KIZ: variants seen among roughly 807,000 people sequenced by gnomAD.
The protein encoded by KIZ is kizuna centrosomal protein.
Under a neutral mutation model 79.6 loss-of-function variants are expected in KIZ, and 68 were observed. That is an observed-to-expected ratio of 0.85 (90% confidence interval 0.70 to 1.05). The LOEUF is 1.05. KIZ is among the 50% of genes least tolerant of loss of function. KIZ has a pLI of 0.00. For missense variants in KIZ, 797 were observed against 800.4 expected (o/e 1.00, Z 0.05); for synonymous variants, 280 against 281.8 (o/e 0.99, Z 0.06).
chr20:21,141,956 A>C, intron 3 of KIZ, among the ~76,000 whole-genome samples: 1 of 139,716 alleles, frequency 7.2e-6, no homozygotes, highest in Non-Finnish European at 1.5e-5. Flanking sequence ...TCTCCCTCTT[A>C]TCTCTCCCCT....
intron 1 of KIZ, among the ~76,000 whole-genome samples, chr20:21,129,052 A>C (rs997596528): frequency 6.6e-6 from 1 of 152,214 alleles, no homozygotes; most frequent in African/African-American, 2.4e-5. Context: ...TTCTGAATAG[A>C]GATTTAATAT....
In KIZ at chr20:21,126,150, C is replaced by A. The variant is rs770989376; in HGVS notation, c.35C>A (p.Ser12Ter). Reference sequence around the variant, plus strand: ...ACCCTCGCATCGGCCGTGCCCCTGTCGAGTCCCGACTACTACGAGAGGCTG... The same window carrying A: ...ACCCTCGCATCGGCCGTGCCCCTGTAGAGTCCCGACTACTACGAGAGGCTG... ...SRTLASAVPL[S>*]SPDYYERLGQ... The change falls in exon 1 of 13, where the codon TCG (serine) becomes TAG (stop). Residue 12 changes from serine (S) to a stop codon, truncating the protein, a stop_gained. Coordinates refer to ENST00000619189, the MANE Select transcript of KIZ (RefSeq NM_018474.6). LOFTEE classifies it high-confidence loss of function. The A allele has an allele frequency of 6.6e-7, 1 of 1,513,194 alleles. No homozygotes were observed. The highest frequency in any genetic ancestry group is 8.9e-7 in the Non-Finnish European group (1 of 1,129,732). The allele number at this position is 1,513,194 out of a possible 1,614,324, so 93.7% of individuals were successfully genotyped here.
At chr20:21,167,718 C>T (rs1294482593) in intron 6 of KIZ, among the ~76,000 whole-genome samples, 1 of 151,938 alleles carries the variant, frequency 6.6e-6, no homozygotes, top group East Asian at 1.9e-4. Context: ...TGTGCCAGCA[C>T]ATCCAACTAA....
intron 7 of KIZ, among the ~76,000 whole-genome samples, chr20:21,212,666 T>C (rs2036115807): frequency 2.0e-5 from 3 of 152,318 alleles, no homozygotes; most frequent in South Asian, 4.1e-4. Flanking sequence ...GAACTAGCAG[T>C]GCAGTATGCC....
At chr20:21,210,751 G>T (rs1295389112) in intron 7 of KIZ, among the ~76,000 whole-genome samples, 8 of 144,746 alleles carry the variant, frequency 5.5e-5, no homozygotes, top group Admixed American at 2.8e-4. Context: ...TATGAAACTA[G>T]ATACTATCAG....
intron 11 of KIZ, among the ~76,000 whole-genome samples, chr20:21,235,565 C>T (rs1442882855): frequency 3.3e-5 from 5 of 152,170 alleles, no homozygotes; most frequent in Admixed American, 3.3e-4. Flanking sequence ...AACATTGTCT[C>T]GCTTTACCTT....
chr20:21,214,114 T>C lies in KIZ; in HGVS notation c.1447-421T>C, dbSNP rs570532489. On this transcript the variant is annotated intron_variant, in intron 7 of 12. Coordinates refer to ENST00000619189, the MANE Select transcript of KIZ (RefSeq NM_018474.6). ...GATCTTTTTCTCAGTTGAAAGTAAT[T>C]CTGTCTGACATGCCTAGAAAATAGG... 2.9e-4 allele frequency: 44 copies of C among 154,382 alleles called. No individual in the cohort carries two copies. The South Asian group carries it at 5.0e-3, about 18-fold the overall frequency. The allele number at this position is 154,382 out of a possible 1,614,324, so 9.6% of individuals were successfully genotyped here.
Position 21,187,714 on chromosome 20 carries a change from G to A in KIZ, c.1353-17777G>A, listed in dbSNP as rs186277489. The stretch of plus-strand genomic sequence containing the variant: ...CTGATGTTTTGTTTTATGGTCCTGC[G>A]TCAGCCGTTAATCCTCACAAAGATA... On this transcript the variant is annotated intron_variant, in intron 6 of 12. Transcript: ENST00000619189. Among the ~76,000 whole-genome samples the A allele has an allele frequency of 3.4e-3, 513 of 152,242 alleles. 2 individuals carry two copies. Among genetic ancestry groups the A allele is most frequent in the Admixed American group, 5.8e-3 (88 of 15,284 alleles).
At chr20:21,156,274 G>A (rs765513370) in intron 4 of KIZ, among the ~76,000 whole-genome samples, 2 of 152,144 alleles carry the variant, frequency 1.3e-5, no homozygotes, top group Non-Finnish European at 2.9e-5. Flanking sequence ...GATATTGCCA[G>A]TTTTTCCATT....
At chr20:21,160,820 G>A (rs2122670071) in intron 4 of KIZ, 1 of 152,292 alleles carries the variant, frequency 6.6e-6, no homozygotes, top group Non-Finnish European at 1.5e-5. Flanking sequence ...AGAGGCCCGT[G>A]GAAATTTGCC....
At chr20:21,184,949 G>A (rs2034808988) in intron 6 of KIZ, among the ~76,000 whole-genome samples, 1 of 152,194 alleles carries the variant, frequency 6.6e-6, no homozygotes, top group Admixed American at 6.5e-5. Flanking sequence ...AAACTGAGGT[G>A]GGAGGCTTGC....
intron 2 of KIZ, among the ~76,000 whole-genome samples, 162 bp downstream of exon 2, chr20:21,132,321 G>A (rs1365424393): frequency 1.3e-5 from 2 of 152,156 alleles, no homozygotes; most frequent in Non-Finnish European, 2.9e-5. Context: ...CGCTCAGGCT[G>A]GAGTGCAGTG....
At chr20:21,222,546 G>A (rs746959361) in intron 9 of KIZ, among the ~76,000 whole-genome samples, 6 of 152,198 alleles carry the variant, frequency 3.9e-5, no homozygotes, top group Admixed American at 1.3e-4. Flanking sequence ...AGGGGTTGGA[G>A]TGTATTATTT....
At chr20:21,197,427 A>G (rs1442282339) in intron 6 of KIZ, 2 of 152,230 alleles carry the variant, frequency 1.3e-5, no homozygotes, top group African/African-American at 2.4e-5. Flanking sequence ...GAAGTTTTCA[A>G]TTTCTTAGCA....
chr20:21,199,463 C>T (rs1462494750), intron 6 of KIZ, among the ~76,000 whole-genome samples: 1 of 152,196 alleles, frequency 6.6e-6, no homozygotes, highest in African/African-American at 2.4e-5. Context: ...TTGCTGTATA[C>T]ATTGTGACTG....
At chr20:21,230,613 T>G (rs2123435148) in intron 10 of KIZ, among the ~76,000 whole-genome samples, 1 of 152,338 alleles carries the variant, frequency 6.6e-6, no homozygotes, top group Middle Eastern at 3.4e-3. Flanking sequence ...GTTATTTTGG[T>G]GGTATTGAGG....
intron 6 of KIZ, among the ~76,000 whole-genome samples, chr20:21,185,671 A>G (rs1039572402): frequency 6.6e-6 from 1 of 150,940 alleles, no homozygotes; most frequent in African/African-American, 2.4e-5. Context: ...TTAGCCTCCC[A>G]AAGTGCTGGG....
chr20:21,218,467 C>G (rs1057284903), intron 9 of KIZ: 2 of 152,308 alleles, frequency 1.3e-5, no homozygotes, highest in African/African-American at 4.8e-5. Flanking sequence ...CCAGAAAATA[C>G]ATCAATTAAT....
intron 6 of KIZ, among the ~76,000 whole-genome samples, chr20:21,169,245 A>G (rs1157427810): frequency 6.6e-6 from 1 of 151,914 alleles, no homozygotes; most frequent in Non-Finnish European, 1.5e-5. Flanking sequence ...AAGAAAAAAA[A>G]ACCCCATCAA....
Sources: allele counts gnomAD v4.1 joint callset (sites outside exome capture counted in the v4.1 genomes callset), GRCh38; gene constraint gnomAD v4.1.1; transcripts MANE v1.5; gene names NCBI Gene and HGNC (gene_info 2026-07-23, HGNC 2026-07-21).